SWAP70: variants seen among roughly 807,000 people sequenced by gnomAD.
The protein encoded by SWAP70 is switch-associated protein 70.
In SWAP70, 34 loss-of-function variants were observed where a neutral mutation model predicts 80.2. That is an observed-to-expected ratio of 0.42 (90% CI 0.32 to 0.56). The LOEUF is 0.56. Ranked by LOEUF, SWAP70 falls within the 20% of genes least tolerant of loss-of-function variation. The probability of loss-of-function intolerance (pLI) is 0.09; values close to 1 mark genes in which losing one functional copy is unlikely to be tolerated. For synonymous variants in SWAP70, 239 were observed against 238.5 expected, an observed-to-expected ratio of 1.00 and a Z score of -0.02; for missense variants, 578 against 690.7, an observed-to-expected ratio of 0.84 and a Z score of 1.83.
chr11:9,685,905 G>C (rs1850625715), intron 1 of SWAP70, among the ~76,000 whole-genome samples: 1 of 151,946 alleles, frequency 6.6e-6, no homozygotes, highest in Non-Finnish European at 1.5e-5. Flanking sequence ...AAAGTGCTGG[G>C]ATTACAGGCG....
At chr11:9,706,789 G>A (rs1053250693) in intron 2 of SWAP70, among the ~76,000 whole-genome samples, 28 of 151,986 alleles carry the variant, frequency 1.8e-4, no homozygotes, top group African/African-American at 6.3e-4. Context: ...GTCATATCTT[G>A]GTGATTAGTT....
chr11:9,730,894 A>G (rs1326835357), intron 6 of SWAP70, among the ~76,000 whole-genome samples: 1 of 152,186 alleles, frequency 6.6e-6, no homozygotes, highest in African/African-American at 2.4e-5. Context: ...TGAGCATTGT[A>G]CCCAACAGCT....
At chr11:9,703,656 T>C (rs567862631) in intron 2 of SWAP70, among the ~76,000 whole-genome samples, 2 of 152,214 alleles carry the variant, frequency 1.3e-5, no homozygotes, top group African/African-American at 2.4e-5. Context: ...TATTGTTTGG[T>C]GTCTGATTCC....
intron 3 of SWAP70, among the ~76,000 whole-genome samples, chr11:9,716,027 A>G (rs397250): frequency 0.33 from 49,643 of 152,114 alleles, 8,359 homozygotes; most frequent in Non-Finnish European, 0.35. Flanking sequence ...GCAGGTAGGG[A>G]TTTCCCCAGA....
intron 7 of SWAP70, among the ~76,000 whole-genome samples, chr11:9,734,535 T>G (rs1410068400): frequency 6.6e-6 from 1 of 152,210 alleles, no homozygotes; most frequent in Non-Finnish European, 1.5e-5. Flanking sequence ...GCTGAAAAAT[T>G]CTTATAGATC....
At chr11:9,745,396 A>G (rs1317851029) in intron 9 of SWAP70, among the ~76,000 whole-genome samples, 4 of 152,246 alleles carry the variant, frequency 2.6e-5, no homozygotes, top group African/African-American at 9.6e-5. Flanking sequence ...TGTAAAAATA[A>G]GCATTCAGAA....
Position 9,728,199 on chromosome 11 carries a change from G to C in SWAP70, c.789G>C (p.Glu263Asp), listed in dbSNP as rs767394976. ...DILLDENCCVESLPDKDGKKC... is the reference protein window; with the variant it reads ...DILLDENCCVDSLPDKDGKKC... ...TCTTGGATGAAAATTGCTGTGTAGA[G>C]GTGAGTCTACTCTTACTTCTTTGCA... The change falls in exon 5 of 12, where the codon GAG becomes GAC. Residue 263 changes from glutamate (E) to aspartate (D), a missense_variant and splice_region_variant. Coordinates refer to ENST00000318950, the MANE Select transcript of SWAP70 (RefSeq NM_015055.4). 1 of 1,603,128 alleles carries C rather than the reference G, an allele frequency of 6.2e-7. No homozygotes were observed. Among genetic ancestry groups the C allele is most frequent in the East Asian group, 2.3e-5 (1 of 44,292 alleles).
At chr11:9,675,337 G>C (rs146171685) in intron 1 of SWAP70, among the ~76,000 whole-genome samples, 8,175 of 36,342 alleles carry the variant, frequency 0.22, 2,679 homozygotes, top group Non-Finnish European at 0.57. Flanking sequence ...GAGAGAGAGA[G>C]AGAGGGAGCG....
chr11:9,693,624 A>G (rs1437065593), intron 1 of SWAP70, among the ~76,000 whole-genome samples: 1 of 152,204 alleles, frequency 6.6e-6, no homozygotes, highest in East Asian at 1.9e-4. Flanking sequence ...TATTTGGTAT[A>G]TTAATTTGGC....
intron 7 of SWAP70, among the ~76,000 whole-genome samples, chr11:9,733,904 A>G (rs1223702724): frequency 6.6e-6 from 1 of 152,230 alleles, no homozygotes; most frequent in African/African-American, 2.4e-5. Flanking sequence ...AAATAATCAT[A>G]CAGTGAATAC....
intron 2 of SWAP70, among the ~76,000 whole-genome samples, chr11:9,699,287 A>G (rs1850801128): frequency 6.6e-6 from 1 of 152,102 alleles, no homozygotes; most frequent in Non-Finnish European, 1.5e-5. Context: ...GTATACTTTA[A>G]AAGGGTGAAT....
At chr11:9,675,841 TGA>T (rs780947060) in intron 1 of SWAP70, among the ~76,000 whole-genome samples, 57 of 152,272 alleles carry the variant, frequency 3.7e-4, no homozygotes, top group Middle Eastern at 6.8e-3. Context: ...CCACCTGAGT[TGA>T]GAGTACGTAG....
At chr11:9,742,624 C>T (rs1403074384) in intron 9 of SWAP70, among the ~76,000 whole-genome samples, 1 of 152,170 alleles carries the variant, frequency 6.6e-6, no homozygotes, top group East Asian at 1.9e-4. Context: ...CATGAGCCAC[C>T]ACGCCCGGCC....
intron 1 of SWAP70, among the ~76,000 whole-genome samples, chr11:9,683,097 A>G (rs1850587938): frequency 6.6e-6 from 1 of 152,218 alleles, no homozygotes; most frequent in Non-Finnish European, 1.5e-5. Flanking sequence ...CCTTTGAAGA[A>G]CTTAGAAACT....
chr11:9,701,823 T>G (rs1175524414), intron 2 of SWAP70, among the ~76,000 whole-genome samples: 1 of 151,990 alleles, frequency 6.6e-6, no homozygotes, highest in Non-Finnish European at 1.5e-5. Context: ...TAGTTTTGCT[T>G]CAGCGTATTT....
In SWAP70 at chr11:9,740,324, G is replaced by C; in HGVS notation, c.1332G>C (p.Glu444Asp). The change falls in exon 9 of 12, where the codon GAG (glutamate) becomes GAC (aspartate). Residue 444 changes from glutamate (E) to aspartate (D), a missense_variant. Physicochemically the swap from Glu to Asp is conservative, Grantham distance 45 (BLOSUM62 2). Transcript: ENST00000318950. ...AGAGACAGGCCCGGCAAGATGAAGA[G>C]ACAGTGCGGAAGCTTCAGGCCAGGT... Reference protein sequence around the residue: ...EDERQARQDEETVRKLQARLL... With the variant: ...EDERQARQDEDTVRKLQARLL... The C allele has an allele frequency of 6.2e-7, 1 of 1,614,232 alleles. No individual in the cohort carries two copies. The highest frequency in any genetic ancestry group is 8.5e-7 in the Non-Finnish European group (1 of 1,180,038).
At chr11:9,728,021 CAAT>C (rs749905986) in intron 4 of SWAP70, 29 bp from the exon 5 acceptor site, 1 of 1,554,598 alleles carries the variant, frequency 6.4e-7, no homozygotes, top group Non-Finnish European at 8.7e-7. Flanking sequence ...AATAAAAAGA[CAAT>C]AATTTATATC....
rs1404203552 is a variant in SWAP70, at chr11:9,750,372, A to G, written c.*402A>G. 1.3e-5 allele frequency: 2 copies of G among 155,552 alleles called. No homozygotes were observed. The highest frequency in any genetic ancestry group is 6.4e-5 in the Admixed American group (1 of 15,748). 9.6% of individuals were successfully genotyped at this position (155,552 alleles called of 1,614,324 possible). The stretch of plus-strand genomic sequence containing the variant: ...AAACAAAACAAAACAAAACAAAAAA[A>G]CCCGGCTTTGCTGCTTTTAACTCTT... On this transcript the variant is annotated 3_prime_UTR_variant, in exon 12 of 12. Transcript: ENST00000318950.
At chr11:9,671,471 T>C (rs1189666576) in intron 1 of SWAP70, among the ~76,000 whole-genome samples, 2 of 104,532 alleles carry the variant, frequency 1.9e-5, no homozygotes, top group African/African-American at 3.9e-5. Flanking sequence ...TATATAAATA[T>C]ATAAAAGTAT....
Sources: gnomAD v4.1 joint callset for allele counts (sites outside exome capture counted in the v4.1 genomes callset) on GRCh38, gnomAD v4.1.1 for gene constraint, MANE v1.5 for transcripts, NCBI Gene and HGNC (gene_info 2026-07-23, HGNC 2026-07-21) for gene names.